ADAP1: variants seen among roughly 807,000 people sequenced by gnomAD.
The protein encoded by ADAP1 is ArfGAP with dual PH domains 1.
In ADAP1, 31 loss-of-function variants were observed where a neutral mutation model predicts 54.9. The observed-to-expected ratio is 0.56, with a 90% confidence interval of 0.42 to 0.76. The LOEUF is 0.76. Ranked by LOEUF, ADAP1 falls within the 30% of genes least tolerant of loss-of-function variation. The pLI is 0.00. For synonymous variants in ADAP1, 313 were observed against 202.6 expected (o/e 1.55, Z -4.63); for missense variants, 535 against 512.4 (o/e 1.04, Z -0.42).
intron 4 of ADAP1, among the ~76,000 whole-genome samples, chr7:907,897 C>A (rs936335274): frequency 6.6e-6 from 1 of 151,892 alleles, no homozygotes; most frequent in South Asian, 2.1e-4. Flanking sequence ...GGTCGCGGGG[C>A]CGTCTGCCGA....
Position 946,949 on chromosome 7 carries a change from T to A in ADAP1, c.82+7447A>T, listed in dbSNP as rs1042263389. 1.3e-5 allele frequency among the ~76,000 whole-genome samples: 2 copies of A among 152,158 alleles called. No homozygotes were observed. The highest frequency in any genetic ancestry group is 1.3e-4 in the Admixed American group (2 of 15,278). On this transcript the variant is annotated intron_variant, in intron 1 of 10. Transcript: ENST00000265846. The surrounding 1 kb of genome is among the most constrained non-coding windows in gnomAD (Gnocchi z 4.3). ...GAGTTCGAGACCAGCCTGGGCAACA[T>A]AGTGAGACACCGCGACTCCATCCTT...
intron 6 of ADAP1, 112 bp from the exon 7 acceptor site, chr7:900,728 T>TC: frequency 2.2e-6 from 2 of 920,290 alleles, no homozygotes; most frequent in Admixed American, 4.6e-5. Context: ...CCCAGCCCCT[T>TC]CCTCCTCCCC....
chr7:899,653 G>A (rs924554307), intron 8 of ADAP1, among the ~76,000 whole-genome samples, 163 bp from the exon 9 acceptor site: 16 of 152,026 alleles, frequency 1.1e-4, no homozygotes, highest in African/African-American at 1.4e-4. Context: ...CTCCGCACAC[G>A]CCTGTCCTCC....
At chr7:924,799 G>A (rs1222468173) in intron 3 of ADAP1, among the ~76,000 whole-genome samples, 1 of 151,958 alleles carries the variant, frequency 6.6e-6, no homozygotes, top group Non-Finnish European at 1.5e-5. Flanking sequence ...GGAGGAACTT[G>A]GAGACAGTGA....
At chr7:953,679 A>T (rs1583194531) in intron 1 of ADAP1, among the ~76,000 whole-genome samples, 1 of 152,180 alleles carries the variant, frequency 6.6e-6, no homozygotes, top group East Asian at 1.9e-4. Context: ...GGCCCCGTTC[A>T]CAGCCAATGA....
chr7:912,587 C>G (rs992330361), intron 4 of ADAP1, among the ~76,000 whole-genome samples: 5 of 152,232 alleles, frequency 3.3e-5, no homozygotes, highest in Admixed American at 6.5e-5. Context: ...GCTTCTCCCC[C>G]GGTCCTTTGT....
intron 4 of ADAP1, among the ~76,000 whole-genome samples, chr7:917,524 G>A (rs1049528066): frequency 2.6e-5 from 4 of 152,170 alleles, no homozygotes; most frequent in African/African-American, 4.8e-5. Flanking sequence ...GAGTGCAGAG[G>A]CGCAATCTCG....
At chr7:912,660 G>A (rs1362325416) in intron 4 of ADAP1, among the ~76,000 whole-genome samples, 4 of 152,222 alleles carry the variant, frequency 2.6e-5, no homozygotes, top group Admixed American at 6.5e-5. Flanking sequence ...ACAGGTTACT[G>A]CAACGTGCAC....
At position 899,208 on chromosome 7, in the gene ADAP1, C is replaced by T. The variant is rs61995731; in HGVS notation, c.921G>A (p.Thr307=). 8,121 of 1,612,652 alleles carry T rather than the reference C, an allele frequency of 5.0e-3. 343 individuals carry two copies. In the African/African-American group the frequency reaches 0.093, roughly 18 times the overall value. The change falls in exon 10 of 11, where the codon ACG becomes ACA. Residue 307 remains threonine, a synonymous_variant. Coordinates refer to ENST00000265846, the MANE Select transcript of ADAP1 (RefSeq NM_006869.4). ...VFIGSKESGY[T]VLHGFPPSTQ... ...TGGACGGCGGGAACCCATGCAGCACCGTGTAGCCACTCTCCTTGCTGCCAA... is the reference window on the plus strand; with the variant it reads ...TGGACGGCGGGAACCCATGCAGCACTGTGTAGCCACTCTCCTTGCTGCCAA...
chr7:934,822 C>T (rs1219644488), intron 2 of ADAP1, among the ~76,000 whole-genome samples: 1 of 152,210 alleles, frequency 6.6e-6, no homozygotes, highest in Non-Finnish European at 1.5e-5. Flanking sequence ...CCCTGCCTGG[C>T]CATGCCAAGT....
In ADAP1 at chr7:926,886, C is replaced by A; in HGVS notation, c.214-242G>T. 7.0e-6 allele frequency: 7 copies of A among 993,490 alleles called. No homozygotes were observed. 61.5% of individuals were successfully genotyped at this position (993,490 alleles called of 1,614,324 possible). On this transcript the variant is annotated intron_variant, in intron 2 of 10. Transcript: ENST00000265846. This position sits in a 1 kb window ranked among gnomAD's most constrained non-coding sequence, Gnocchi z 4.6. ...AACGACGGGGTCCCGGCAAAGGGGG[C>A]CCAGGGGCCAGGCCCCTTTTGAGGA...
chr7:939,074 C>G (rs1846863548), intron 1 of ADAP1, among the ~76,000 whole-genome samples: 1 of 152,188 alleles, frequency 6.6e-6, no homozygotes, highest in African/African-American at 2.4e-5. Flanking sequence ...GAGCTGGACT[C>G]TACGGCGTGG....
chr7:928,989 C>T (rs1386040053), intron 2 of ADAP1, among the ~76,000 whole-genome samples: 1 of 152,186 alleles, frequency 6.6e-6, no homozygotes, highest in African/African-American at 2.4e-5. Flanking sequence ...ATGGAGGGTT[C>T]CTCGGCCATA....
At chr7:921,680 G>A (rs1481717054) in intron 3 of ADAP1, among the ~76,000 whole-genome samples, 2 of 152,196 alleles carry the variant, frequency 1.3e-5, no homozygotes, top group Admixed American at 1.3e-4. Context: ...CTTTTCGGGG[G>A]ACACCGTGCA....
intron 3 of ADAP1, among the ~76,000 whole-genome samples, chr7:925,361 TAAAA>T (rs5881885): frequency 5.4e-5 from 6 of 111,340 alleles, no homozygotes; most frequent in Middle Eastern, 4.8e-3. Flanking sequence ...TCTCTATATT[TAAAA>T]AAAAAAAAAA....
Position 900,137 on chromosome 7 carries a change from G to T in ADAP1, c.760C>A (p.Leu254Met). The T allele has an allele frequency of 1.2e-6, 2 of 1,613,254 alleles. No individual in the cohort carries two copies. Among genetic ancestry groups the T allele is most frequent in the Non-Finnish European group, 1.7e-6 (2 of 1,179,932 alleles). The change falls in exon 8 of 11, where the codon CTG (leucine) becomes ATG (methionine). Residue 254 changes from leucine to methionine, a missense_variant. Leu to Met is a conservative substitution (Grantham distance 15). Coordinates refer to ENST00000265846, the MANE Select transcript of ADAP1 (RefSeq NM_006869.4). ...DLVPKLSRNY[L>M]KEGYMEKTGP... ...GTCTTCTCCATGTAGCCTTCCTTCA[G>T]GTAGTTCCTGGAGAGCTTTGGCACC...
At chr7:901,589 G>A (rs1251003209) in intron 6 of ADAP1, among the ~76,000 whole-genome samples, 3 of 152,106 alleles carry the variant, frequency 2.0e-5, no homozygotes, top group African/African-American at 7.2e-5. Flanking sequence ...TCCTCCCATA[G>A]CAGTGGGATT....
chr7:934,670 G>A (rs1054978537), intron 2 of ADAP1, among the ~76,000 whole-genome samples: 6 of 152,132 alleles, frequency 3.9e-5, no homozygotes, highest in Admixed American at 1.3e-4. Flanking sequence ...CACCTCCCTC[G>A]GGGTCTCCCT....
chr7:929,544 C>T (rs1193825132), intron 2 of ADAP1, among the ~76,000 whole-genome samples: 3 of 149,816 alleles, frequency 2.0e-5, no homozygotes, highest in East Asian at 3.9e-4. Flanking sequence ...AACAAGACCA[C>T]GTATTGCATG....
Sources: gnomAD v4.1 joint callset for allele counts (sites outside exome capture counted in the v4.1 genomes callset) on GRCh38, gnomAD v4.1.1 for gene constraint, Gnocchi (gnomAD v3.1) non-coding constraint, MANE v1.5 for transcripts, NCBI Gene and HGNC (gene_info 2026-07-23, HGNC 2026-07-21) for gene names.